EYS: variants seen among roughly 807,000 people sequenced by gnomAD.
EYS encodes the protein protein eyes shut homolog.
Under a neutral mutation model 282.1 loss-of-function variants are expected in EYS, and 250 were observed. That is an observed-to-expected ratio of 0.89 (90% confidence interval 0.80 to 0.98). The LOEUF is 0.98. Ranked by LOEUF, EYS falls within the 50% of genes least tolerant of loss-of-function variation. EYS has a pLI of 0.00. For synonymous variants in EYS, 1,355 were observed against 1,282.9 expected, an observed-to-expected ratio of 1.06 and a Z score of -1.20; for missense variants, 4,016 against 3,709.0, an observed-to-expected ratio of 1.08 and a Z score of -2.15.
intron 22 of EYS, among the ~76,000 whole-genome samples, chr6:64,735,524 GA>G (rs1400618693): frequency 2.0e-5 from 3 of 151,864 alleles, no homozygotes; most frequent in Non-Finnish European, 4.4e-5. Context: ...CACAAAATTT[GA>G]AAAAAATTGT....
Position 65,667,616 on chromosome 6 carries a change from C to T in EYS, c.-447-27724G>A, listed in dbSNP as rs552484334. Among the ~76,000 whole-genome samples the T allele has an allele frequency of 6.6e-5, 10 of 151,942 alleles. No homozygotes were observed. The South Asian group carries it at 2.1e-3, about 31-fold the overall frequency. On this transcript the variant is annotated intron_variant, in intron 1 of 42. Coordinates refer to ENST00000503581, the MANE Select transcript of EYS (RefSeq NM_001142800.2). ...TATCACGAATACCCTTATTAATTGT[C>T]AGTCACATTACTCTTGTAGCATATT...
intron 35 of EYS, among the ~76,000 whole-genome samples, chr6:63,955,714 C>A (rs568405464): frequency 1.5e-4 from 23 of 152,080 alleles, no homozygotes; most frequent in African/African-American, 5.5e-4. Flanking sequence ...TGGTATATGA[C>A]AACATAAAAA....
At chr6:64,942,774 A>G (rs1395159172) in intron 15 of EYS, among the ~76,000 whole-genome samples, 2 of 149,380 alleles carry the variant, frequency 1.3e-5, no homozygotes, top group Non-Finnish European at 3.0e-5. Flanking sequence ...ATTCACGCCA[A>G]ATTTTACTAG....
intron 33 of EYS, among the ~76,000 whole-genome samples, chr6:64,048,956 T>C (rs368196908): frequency 6.6e-6 from 1 of 152,176 alleles, no homozygotes; most frequent in African/African-American, 2.4e-5. Context: ...GAAATGCTCT[T>C]TCTCACCCAC....
chr6:64,878,423 GA>G (rs1161044401), intron 19 of EYS, among the ~76,000 whole-genome samples: 2 of 152,164 alleles, frequency 1.3e-5, no homozygotes, highest in East Asian at 3.9e-4. Flanking sequence ...AAGAAACAAA[GA>G]CAATTGAAAC....
intron 12 of EYS, among the ~76,000 whole-genome samples, chr6:65,178,475 T>C (rs1366243992): frequency 6.6e-6 from 1 of 151,934 alleles, no homozygotes; most frequent in African/African-American, 2.4e-5. Flanking sequence ...GGCCATTACA[T>C]AATGGTAAAG....
chr6:63,834,426 C>G (rs1348470338), intron 36 of EYS, among the ~76,000 whole-genome samples: 1 of 151,988 alleles, frequency 6.6e-6, no homozygotes, highest in Non-Finnish European at 1.5e-5. Context: ...AGAAGACATT[C>G]ATACAGGCAA....
At chr6:64,549,370 C>G (rs1470538155) in intron 26 of EYS, among the ~76,000 whole-genome samples, 1 of 152,198 alleles carries the variant, frequency 6.6e-6, no homozygotes, top group Admixed American at 6.5e-5. Flanking sequence ...TTGTCCATGT[C>G]ATGATTCTCA....
intron 26 of EYS, among the ~76,000 whole-genome samples, chr6:64,560,838 C>T (rs1312099022): frequency 2.0e-5 from 3 of 151,948 alleles, no homozygotes; most frequent in African/African-American, 7.2e-5. Flanking sequence ...TAAAGAATAG[C>T]ATAGTCTGAG....
chr6:65,073,241 G>GA (rs1235946430), intron 12 of EYS, among the ~76,000 whole-genome samples: 6 of 151,616 alleles, frequency 4.0e-5, no homozygotes, highest in Non-Finnish European at 8.8e-5. Flanking sequence ...TATTATGCCA[G>GA]AAAAAATGAT....
intron 12 of EYS, among the ~76,000 whole-genome samples, chr6:65,292,749 T>C (rs1441074319): frequency 6.6e-6 from 1 of 151,620 alleles, no homozygotes; most frequent in Non-Finnish European, 1.5e-5. Flanking sequence ...AGTACACTTC[T>C]ACAGAAATAA....
chr6:64,054,885 A>T (rs144121661), intron 33 of EYS, among the ~76,000 whole-genome samples: 2 of 152,370 alleles, frequency 1.3e-5, no homozygotes, highest in East Asian at 3.9e-4. Context: ...ATTAATGGAC[A>T]TGAAGAAATG....
At chr6:64,658,858 G>A (rs1255476323) in intron 22 of EYS, among the ~76,000 whole-genome samples, 1 of 152,174 alleles carries the variant, frequency 6.6e-6, no homozygotes, top group Non-Finnish European at 1.5e-5. Context: ...GGATATCCAG[G>A]AATTGAACTC....
At chr6:65,489,457 A>G (rs1765943204) in intron 5 of EYS, 2 of 152,226 alleles carry the variant, frequency 1.3e-5, no homozygotes, top group Non-Finnish European at 2.9e-5. Flanking sequence ...AATGGTGATC[A>G]TTAAAAAGTC....
chr6:64,411,435 C>G (rs1389236844), intron 28 of EYS, among the ~76,000 whole-genome samples: 1 of 152,038 alleles, frequency 6.6e-6, no homozygotes, highest in Non-Finnish European at 1.5e-5. Context: ...TTAGATCATA[C>G]AAATGGAATC....
chr6:64,262,377 C>G (rs1456101377), intron 30 of EYS, among the ~76,000 whole-genome samples: 1 of 151,182 alleles, frequency 6.6e-6, no homozygotes, highest in Non-Finnish European at 1.5e-5. Flanking sequence ...GCAAAAAATA[C>G]AAATTGCATA....
intron 12 of EYS, among the ~76,000 whole-genome samples, chr6:65,196,872 G>A (rs1405496949): frequency 1.3e-5 from 2 of 152,038 alleles, no homozygotes; most frequent in Non-Finnish European, 2.9e-5. Flanking sequence ...GAATTTATAG[G>A]TGTGCTGGAG....
chr6:64,089,267 C>G, intron 31 of EYS, among the ~76,000 whole-genome samples: 1 of 150,670 alleles, frequency 6.6e-6, no homozygotes, highest in African/African-American at 2.4e-5. Flanking sequence ...ATCTCCTTTC[C>G]TGAAGAAGCA....
intron 36 of EYS, among the ~76,000 whole-genome samples, chr6:63,862,556 T>C (rs985498663): frequency 6.6e-6 from 1 of 152,228 alleles, no homozygotes; most frequent in Admixed American, 6.5e-5. Flanking sequence ...TTTTTGTGTA[T>C]GTGTGAATAC....
Sources: gnomAD v4.1 joint callset for allele counts (sites outside exome capture counted in the v4.1 genomes callset) on GRCh38, gnomAD v4.1.1 for gene constraint, MANE v1.5 for transcripts, NCBI Gene and HGNC (gene_info 2026-07-23, HGNC 2026-07-21) for gene names.